The following FH variants were observed in gnomAD, a reference collection of about 807,000 sequenced individuals.
FH encodes fumarate hydratase.
A neutral mutation model predicts 49.4 loss-of-function variants in FH; 22 were observed. That is an observed-to-expected ratio of 0.45 (90% CI 0.32 to 0.64). FH has a LOEUF of 0.64. Among genes scored for constraint, FH ranks in the 30% least tolerant of loss-of-function variants. The pLI, the probability that FH is intolerant of heterozygous loss-of-function variation, is 0.05. For synonymous variants in FH, 208 were observed against 223.0 expected (o/e 0.93, Z 0.60); for missense variants, 526 against 641.5 (o/e 0.82, Z 1.95).
chr1:241,511,892 T>C (rs1660092811), intron 4 of FH, 75 bp downstream of exon 4: 2 of 1,414,252 alleles, frequency 1.4e-6, no homozygotes, highest in Non-Finnish European at 2.0e-6. Flanking sequence ...AAAAAGTGAA[T>C]GCTTGTTTTA....
At chr1:241,517,407 C>A in intron 1 of FH, 91 bp from the exon 2 acceptor site, 1 of 1,397,112 alleles carries the variant, frequency 7.2e-7, no homozygotes, top group Non-Finnish European at 1.0e-6. Context: ...GAGAAAGAAA[C>A]CTGAATAAGT....
rs1472397242 is a variant in FH, at chr1:241,517,246, T to C, written c.203A>G (p.Tyr68Cys). Reference protein sequence around the residue: ...GELKVPNDKYYGAQTVRSTMN... With the variant: ...GELKVPNDKYCGAQTVRSTMN... The stretch of plus-strand genomic sequence containing the variant: ...CGTAGATCTCACGGTCTGGGCGCCA[T>C]AATACTTATCATTTGGCACCTTTAG... Residue 68 changes from tyrosine (Y) to cysteine (C), a missense_variant, in exon 2 of 10, where the codon TAT (tyrosine) becomes TGT (cysteine). Around this residue, in one of 2 missense-constraint regions of FH, gnomAD observed 143 missense variants for 127.5 expected, o/e 1.12. Transcript: ENST00000366560. 9 of 1,614,174 alleles carry C rather than the reference T, an allele frequency of 5.6e-6. No homozygotes were observed. The highest frequency in any genetic ancestry group is 3.3e-5 in the South Asian group (3 of 91,078).
chr1:241,503,972 TG>T, intron 7 of FH, 69 bp downstream of exon 7: 1 of 1,424,410 alleles, frequency 7.0e-7, no homozygotes, highest in Non-Finnish European at 9.8e-7. Flanking sequence ...AAGAGAGACA[TG>T]GTCCATAGCT....
intron 1 of FH, chr1:241,519,295 G>A: frequency 2.7e-6 from 1 of 366,868 alleles, no homozygotes; most frequent in African/African-American, 2.2e-5. Context: ...AAACGCCCCG[G>A]CCTCGGCCCG....
chr1:241,512,495 C>G (rs1178409900), intron 3 of FH, among the ~76,000 whole-genome samples: 1 of 152,152 alleles, frequency 6.6e-6, no homozygotes. Context: ...TGCTAATGAG[C>G]TAGTAACTTG....
chr1:241,502,085 A>AG (rs1367152591), intron 8 of FH, among the ~76,000 whole-genome samples: 4 of 151,782 alleles, frequency 2.6e-5, no homozygotes, highest in African/African-American at 9.7e-5. Flanking sequence ...TCAAGCGTGG[A>AG]GGGGGCCATG....
chr1:241,513,951 C>CAT (rs1329795250), intron 2 of FH, among the ~76,000 whole-genome samples: 1 of 152,086 alleles, frequency 6.6e-6, no homozygotes, highest in South Asian at 2.1e-4. Context: ...ATTGACTCTT[C>CAT]ATATATATAT....
At chr1:241,501,537 A>C (rs2147914203) in intron 8 of FH, among the ~76,000 whole-genome samples, 1 of 152,318 alleles carries the variant, frequency 6.6e-6, no homozygotes, top group South Asian at 2.1e-4. Context: ...TGAGAGCAAG[A>C]AATCTGTCTT....
chr1:241,506,281 A>C, intron 5 of FH, 113 bp from the exon 6 acceptor site: 1 of 788,816 alleles, frequency 1.3e-6, no homozygotes, highest in South Asian at 1.7e-5. Flanking sequence ...ACTAAATTAC[A>C]AGCTAATCAA....
Position 241,506,320 on chromosome 1 carries a change from G to A in FH, c.739-152C>T, listed in dbSNP as rs559340072. 1.9e-4 allele frequency: 122 copies of A among 644,208 alleles called. No individual in the cohort carries two copies. The East Asian group carries it at 3.4e-3, about 18-fold the overall frequency. The allele number at this position is 644,208 out of a possible 1,614,324, so 39.9% of individuals were successfully genotyped here. A position where few individuals can be genotyped will look rare whatever the true frequency, so the allele number is the denominator to read the frequency against. The stretch of plus-strand genomic sequence containing the variant: ...TTATTTATACTACTTCAAATCTTAT[G>A]ATGAGCAAAGTATAGGGAAGGATGA... On this transcript the variant is annotated intron_variant, in intron 5 of 9. Transcript: ENST00000366560.
At chr1:241,513,751 T>C (rs760488617) in intron 2 of FH, 38 bp from the exon 3 acceptor site, 8 of 1,541,482 alleles carry the variant, frequency 5.2e-6, no homozygotes, top group Non-Finnish European at 7.2e-6. Flanking sequence ...ATTTACAATT[T>C]TACTTAAGCA....
chr1:241,516,487 A>G (rs2147924642), intron 2 of FH, among the ~76,000 whole-genome samples: 1 of 152,224 alleles, frequency 6.6e-6, no homozygotes. Context: ...AGGGGAACAA[A>G]GCACACAGGG....
At position 241,508,613 on chromosome 1, in the gene FH, G is replaced by C; in HGVS notation, c.728C>G (p.Thr243Ser). Reference protein sequence around the residue: ...RTHTQDAVPLTLGQEFSGYVQ... With the variant: ...RTHTQDAVPLSLGQEFSGYVQ... ...GTCAAACTCCTATACCTGCCCAAGA[G>C]TAAGTGGAACAGCATCCTGAGTATG... The change falls in exon 5 of 10, where the codon ACT becomes AGT. Residue 243 changes from threonine to serine, a missense_variant. Thr to Ser is a moderately conservative substitution (Grantham distance 58, BLOSUM62 1). Around this residue, in one of 2 missense-constraint regions of FH, gnomAD observed 383 missense variants for 514.0 expected, o/e 0.75. Transcript: ENST00000366560. 1 of 1,613,234 alleles carries C rather than the reference G, an allele frequency of 6.2e-7. No individual in the cohort carries two copies. The highest frequency in any genetic ancestry group is 8.5e-7 in the Non-Finnish European group (1 of 1,179,220).
At chr1:241,513,389 A>C (rs548842987) in intron 3 of FH, among the ~76,000 whole-genome samples, 11 of 152,364 alleles carry the variant, frequency 7.2e-5, no homozygotes, top group African/African-American at 2.6e-4. Context: ...AAAGGCTTAA[A>C]AACAAAAGGT....
chr1:241,502,108 G>A (rs1283531248), intron 8 of FH, among the ~76,000 whole-genome samples: 4 of 152,152 alleles, frequency 2.6e-5, no homozygotes, highest in Admixed American at 6.5e-5. Context: ...GGGCTGTGGT[G>A]ACTACAGCAT....
rs1573883071 is a variant in FH at position 241,508,612 on chromosome 1, A to G, written c.729T>C (p.Thr243=). ...RTHTQDAVPL[T]LGQEFSGYVQ... Reference sequence around the variant, plus strand: ...AGTCAAACTCCTATACCTGCCCAAGAGTAAGTGGAACAGCATCCTGAGTAT... The same window carrying G: ...AGTCAAACTCCTATACCTGCCCAAGGGTAAGTGGAACAGCATCCTGAGTAT... The change falls in exon 5 of 10, where the codon ACT becomes ACC. Residue 243 remains threonine (T), a synonymous_variant. Transcript: ENST00000366560. The G allele has an allele frequency of 1.2e-6, 2 of 1,613,418 alleles. No homozygotes were observed. Among genetic ancestry groups the G allele is most frequent in the Non-Finnish European group, 1.7e-6 (2 of 1,179,358 alleles).
At chr1:241,499,028 C>T (rs1463503427) in intron 9 of FH, among the ~76,000 whole-genome samples, 1 of 151,860 alleles carries the variant, frequency 6.6e-6, no homozygotes, top group East Asian at 1.9e-4. Context: ...TTTCTTAAAG[C>T]AGAAATGCTT....
intron 7 of FH, 61 bp downstream of exon 7, chr1:241,503,981 G>T: frequency 6.7e-7 from 1 of 1,493,586 alleles, no homozygotes; most frequent in Non-Finnish European, 9.2e-7. Context: ...ATGGTCCATA[G>T]CTAAGAATGC....
intron 2 of FH, among the ~76,000 whole-genome samples, chr1:241,515,478 G>C (rs752359081): frequency 6.6e-6 from 1 of 151,828 alleles, no homozygotes; most frequent in South Asian, 2.1e-4. Flanking sequence ...ACCTAACCAC[G>C]TAGTCAAACT....
Sources: gnomAD v4.1 joint callset for allele counts (sites outside exome capture counted in the v4.1 genomes callset) on GRCh38, gnomAD v4.1.1 for gene constraint, gnomAD v4.1.1 regional missense constraint, MANE v1.5 for transcripts, NCBI Gene and HGNC (gene_info 2026-07-23, HGNC 2026-07-21) for gene names.